The following FANCD2 variants were observed in gnomAD, a reference collection of about 807,000 sequenced individuals.
FANCD2 encodes Fanconi anemia group D2 protein.
FANCD2 carries 131 observed loss-of-function variants against 192.3 expected under a neutral mutation model. The ratio of observed to expected loss-of-function variants is 0.68; its 90% confidence interval spans 0.59 to 0.79. The LOEUF (loss-of-function observed/expected upper bound fraction) is 0.79, where lower values mean the gene tolerates loss of function less well. Ranked by LOEUF, FANCD2 falls within the 30% of genes least tolerant of loss-of-function variation. The probability of loss-of-function intolerance (pLI) is 0.00; values close to 1 mark genes in which losing one functional copy is unlikely to be tolerated. For synonymous variants in FANCD2, 524 were observed against 612.5 expected (o/e 0.86, Z 2.13); for missense variants, 1,508 against 1,701.6 (o/e 0.89, Z 2.00).
At chr3:10,092,997 CA>C (rs980264813) in intron 38 of FANCD2, among the ~76,000 whole-genome samples, 13 of 152,100 alleles carry the variant, frequency 8.5e-5, no homozygotes, top group African/African-American at 3.1e-4. Context: ...CAGCCTCATC[CA>C]GTCTTTCTTA....
intron 34 of FANCD2, 29 bp from the exon 35 acceptor site, chr3:10,088,420 T>G (rs1694368088): frequency 2.2e-6 from 3 of 1,380,400 alleles, no homozygotes; most frequent in South Asian, 1.2e-5. Flanking sequence ...TTCCCATATG[T>G]AAGATTCCTT....
At chr3:10,073,562 CTG>C (rs1693372087) in intron 28 of FANCD2, among the ~76,000 whole-genome samples, 200 bp downstream of exon 28, 1 of 152,220 alleles carries the variant, frequency 6.6e-6, no homozygotes, top group African/African-American at 2.4e-5. Flanking sequence ...ACACTGTTGA[CTG>C]TTTTTTCTAA....
chr3:10,085,394 C>CTTT (rs1242296810), intron 32 of FANCD2, among the ~76,000 whole-genome samples: 27 of 136,904 alleles, frequency 2.0e-4, no homozygotes, highest in African/African-American at 6.7e-4. Context: ...TTTTTTCTTT[C>CTTT]TTTTTTTTTT....
chr3:10,081,853 A>T (rs555205097), intron 32 of FANCD2, among the ~76,000 whole-genome samples: 1 of 152,194 alleles, frequency 6.6e-6, no homozygotes, highest in Non-Finnish European at 1.5e-5. Flanking sequence ...AGAAGGGTAC[A>T]TGGCCTTTAG....
Position 10,029,757 on chromosome 3 carries a change from C to T in FANCD2, c.64+1036C>T, listed in dbSNP as rs573363079. Among the ~76,000 whole-genome samples the T allele has an allele frequency of 1.8e-4, 27 of 152,250 alleles. 1 individual carries two copies. Among genetic ancestry groups the T allele is most frequent in the Admixed American group, 1.7e-3 (26 of 15,290 alleles). Reference sequence around the variant, plus strand: ...CCCTTCCACCCTTTCTCTTGAGTATCCAAAGTCCATTATATCATTCTTGTT... The same window carrying T: ...CCCTTCCACCCTTTCTCTTGAGTATTCAAAGTCCATTATATCATTCTTGTT... On this transcript the variant is annotated intron_variant, in intron 2 of 43. Transcript: ENST00000675286.
intron 19 of FANCD2, among the ~76,000 whole-genome samples, chr3:10,060,811 C>T (rs1317360366): frequency 6.6e-6 from 1 of 152,150 alleles, no homozygotes; most frequent in Non-Finnish European, 1.5e-5. Context: ...GTGTATTTCC[C>T]CTCACCTTGT....
chr3:10,029,875 C>T (rs2086548068), intron 2 of FANCD2, among the ~76,000 whole-genome samples: 1 of 152,014 alleles, frequency 6.6e-6, no homozygotes, highest in South Asian at 2.1e-4. Context: ...CCTCCACCTC[C>T]CAGGTTCAAG....
chr3:10,050,511 T>A (rs2087167313), intron 17 of FANCD2, among the ~76,000 whole-genome samples: 1 of 149,740 alleles, frequency 6.7e-6, no homozygotes, highest in African/African-American at 2.5e-5. Context: ...TAGTCCCAGC[T>A]ACTCAAGAGG....
chr3:10,038,939 A>G (rs2086794994), intron 7 of FANCD2, among the ~76,000 whole-genome samples: 1 of 152,126 alleles, frequency 6.6e-6, no homozygotes, highest in Non-Finnish European at 1.5e-5. Context: ...ACCTTTTAAA[A>G]ATACTTGTCA....
At chr3:10,035,032 C>G (rs144328585) in intron 5 of FANCD2, 141 bp from the exon 6 acceptor site, 45 of 744,538 alleles carry the variant, frequency 6.0e-5, no homozygotes, top group East Asian at 5.1e-4. Flanking sequence ...AAAGAGCCAT[C>G]TGCTCATTTC....
intron 36 of FANCD2, 36 bp from the exon 37 acceptor site, chr3:10,090,256 C>T (rs2125081181): frequency 6.7e-7 from 1 of 1,483,954 alleles, no homozygotes; most frequent in Non-Finnish European, 9.4e-7. Context: ...AGCAGTGCAT[C>T]ATGGTGTGGG....
intron 18 of FANCD2, 53 bp downstream of exon 18, chr3:10,052,550 C>A: frequency 8.3e-7 from 1 of 1,210,986 alleles, no homozygotes. Flanking sequence ...CAGAGTCTAG[C>A]TCTGTCTCCT....
At position 10,093,277 on chromosome 3, in the gene FANCD2, C is replaced by T. The variant is rs1320232844; in HGVS notation, c.3850-8C>T. On this transcript the variant is annotated splice_polypyrimidine_tract_variant and splice_region_variant and intron_variant, in intron 38 of 43. Coordinates refer to ENST00000675286, the MANE Select transcript of FANCD2 (RefSeq NM_001018115.3). ...TCAGCCTTGGTTTCTTGTCTTTCAC[C>T]TCTCCAGGTATTTGATAGTCATCCT... 1.2e-6 allele frequency: 2 copies of T among 1,612,612 alleles called. No homozygotes were observed. Among genetic ancestry groups the T allele is most frequent in the Non-Finnish European group, 1.7e-6 (2 of 1,178,582 alleles).
chr3:10,101,834 G>A lies in FANCD2; in HGVS notation c.*572G>A, dbSNP rs1335157263. On this transcript the variant is annotated 3_prime_UTR_variant, in exon 44 of 44. Coordinates refer to ENST00000675286, the MANE Select transcript of FANCD2 (RefSeq NM_001018115.3). ...CTACACTGCAGAGTAAAATCTCTGA[G>A]TCATGATTCTGGACTTTGGGAGCTA... 1 of 192,266 alleles carries A rather than the reference G, an allele frequency of 5.2e-6. No homozygotes were observed. Among genetic ancestry groups the A allele is most frequent in the Non-Finnish European group, 1.1e-5 (1 of 92,056 alleles). The allele number at this position is 192,266 out of a possible 1,614,324, so 11.9% of individuals were successfully genotyped here. A position where few individuals can be genotyped will look rare whatever the true frequency, so the allele number is the denominator to read the frequency against.
intron 20 of FANCD2, 73 bp downstream of exon 20, chr3:10,062,284 A>T: frequency 6.8e-5 from 84 of 1,238,312 alleles, no homozygotes; most frequent in Admixed American, 4.1e-4. Flanking sequence ...TCTGTCACCC[A>T]ACCTGCAGTG....
At chr3:10,044,009 C>A in intron 14 of FANCD2, 145 bp downstream of exon 14, 1 of 696,728 alleles carries the variant, frequency 1.4e-6, no homozygotes. Flanking sequence ...CATTAGCTGT[C>A]TGGGGAAGAT....
chr3:10,090,437 T>G, intron 37 of FANCD2, 52 bp downstream of exon 37: 1 of 941,294 alleles, frequency 1.1e-6, no homozygotes. Context: ...TACTTGGAAG[T>G]TGCTGATTTT....
At position 10,039,736 on chromosome 3, in the gene FANCD2, A is replaced by G. The variant is rs779216164; in HGVS notation, c.586A>G (p.Ile196Val). ...VVDGKDLTTK[I>V]MQLISIAPEN... Reference sequence around the variant, plus strand: ...TCTACTGCAGGACCTCACCACCAAGATCATGCAGCTGATCAGTATTGCTCC... The same window carrying G: ...TCTACTGCAGGACCTCACCACCAAGGTCATGCAGCTGATCAGTATTGCTCC... Residue 196 changes from isoleucine to valine, a missense_variant, in exon 9 of 44, where the codon ATC (isoleucine) becomes GTC (valine). Transcript: ENST00000675286. 4 of 1,614,112 alleles carry G rather than the reference A, an allele frequency of 2.5e-6. No individual in the cohort carries two copies. The highest frequency in any genetic ancestry group is 3.4e-6 in the Non-Finnish European group (4 of 1,180,014).
intron 9 of FANCD2, 169 bp from the exon 10 acceptor site, chr3:10,041,454 T>C: frequency 1.7e-6 from 1 of 574,276 alleles, no homozygotes; most frequent in South Asian, 2.0e-5. Context: ...GCATGTATTA[T>C]TTTTTGCAGT....
Sources: gnomAD v4.1 joint callset for allele counts (sites outside exome capture counted in the v4.1 genomes callset) on GRCh38, gnomAD v4.1.1 for gene constraint, MANE v1.5 for transcripts, NCBI Gene and HGNC (gene_info 2026-07-23, HGNC 2026-07-21) for gene names.